ZNF385D: variants seen among roughly 807,000 people sequenced by gnomAD.
ZNF385D encodes the protein zinc finger protein 659.
ZNF385D carries 15 observed loss-of-function variants against 35.8 expected under a neutral mutation model. The ratio of observed to expected loss-of-function variants is 0.42; its 90% CI spans 0.28 to 0.64. The LOEUF is 0.64. Ranked by LOEUF, ZNF385D falls within the 30% of genes least tolerant of loss-of-function variation. ZNF385D has a pLI of 0.23. For synonymous variants in ZNF385D, 212 were observed against 186.8 expected (o/e 1.13, Z -1.10); for missense variants, 474 against 494.6 (o/e 0.96, Z 0.39).
intron 2 of ZNF385D, among the ~76,000 whole-genome samples, chr3:22,253,363 T>C (rs1057240133): frequency 1.3e-5 from 2 of 151,858 alleles, no homozygotes; most frequent in Non-Finnish European, 2.9e-5. Flanking sequence ...AGAAAAAAAA[T>C]AGGAACATAA....
chr3:21,832,060 T>C (rs897677392), intron 3 of ZNF385D, among the ~76,000 whole-genome samples: 6 of 129,142 alleles, frequency 4.6e-5, no homozygotes, highest in Non-Finnish European at 9.7e-5. Flanking sequence ...TCAATAAATT[T>C]TCTAGACAAT....
intron 3 of ZNF385D, among the ~76,000 whole-genome samples, chr3:21,522,312 T>C (rs1478987344): frequency 6.6e-6 from 1 of 152,030 alleles, no homozygotes; most frequent in Non-Finnish European, 1.5e-5. Context: ...AAATATTTGG[T>C]GGACCCACAG....
chr3:21,708,838 G>C (rs941547303), intron 1 of ZNF385D, among the ~76,000 whole-genome samples: 44 of 149,958 alleles, frequency 2.9e-4, no homozygotes, highest in African/African-American at 8.7e-4. Context: ...AATAATTAAA[G>C]CATCCGAAGT....
chr3:22,327,582 T>A (rs2125454902), intron 2 of ZNF385D, among the ~76,000 whole-genome samples: 1 of 152,272 alleles, frequency 6.6e-6, no homozygotes, highest in African/African-American at 2.4e-5. Context: ...CTAACACAAA[T>A]CTCCATGTAG....
intron 1 of ZNF385D, among the ~76,000 whole-genome samples, chr3:21,695,771 A>ATG (rs2067450963): frequency 6.6e-6 from 1 of 151,234 alleles, no homozygotes; most frequent in African/African-American, 2.4e-5. Context: ...ATATATATAT[A>ATG]AAGTTAATAA....
chr3:21,629,510 C>T (rs534388746), intron 2 of ZNF385D, among the ~76,000 whole-genome samples: 1 of 152,164 alleles, frequency 6.6e-6, no homozygotes, highest in African/African-American at 2.4e-5. Context: ...AAAATGACTA[C>T]TTGCCCAAGT....
At chr3:22,083,227 A>G (rs1365439963) in intron 3 of ZNF385D, among the ~76,000 whole-genome samples, 1 of 152,240 alleles carries the variant, frequency 6.6e-6, no homozygotes, top group African/African-American at 2.4e-5. Flanking sequence ...TGGACGGAGA[A>G]TGACTTTGAT....
chr3:22,007,212 T>C (rs1696265305), intron 3 of ZNF385D, among the ~76,000 whole-genome samples: 1 of 152,196 alleles, frequency 6.6e-6, no homozygotes, highest in Non-Finnish European at 1.5e-5. Context: ...GTTTGTTTCA[T>C]CTCCCCTGTA....
intron 3 of ZNF385D, among the ~76,000 whole-genome samples, chr3:21,810,419 T>C (rs901486300): frequency 6.6e-6 from 1 of 152,086 alleles, no homozygotes; most frequent in African/African-American, 2.4e-5. Flanking sequence ...ATAAACCTAA[T>C]GTAAATGACT....
chr3:21,701,171 A>G (rs2067668490), intron 1 of ZNF385D, among the ~76,000 whole-genome samples: 1 of 152,194 alleles, frequency 6.6e-6, no homozygotes, highest in Non-Finnish European at 1.5e-5. Flanking sequence ...TGTGTTGTCC[A>G]TTTTCATGTT....
chr3:22,352,724 A>C (rs1323636418), intron 2 of ZNF385D, among the ~76,000 whole-genome samples: 1 of 152,176 alleles, frequency 6.6e-6, no homozygotes, highest in Non-Finnish European at 1.5e-5. Flanking sequence ...ATTCACTCTA[A>C]ACATATTCAG....
intron 3 of ZNF385D, among the ~76,000 whole-genome samples, chr3:22,136,819 T>G (rs1197804166): frequency 6.6e-6 from 1 of 152,038 alleles, no homozygotes; most frequent in Non-Finnish European, 1.5e-5. Flanking sequence ...ATTTTCTAAC[T>G]GGAAAAATCA....
chr3:22,083,743 T>C (rs1011906159), intron 3 of ZNF385D, among the ~76,000 whole-genome samples: 4 of 152,130 alleles, frequency 2.6e-5, no homozygotes, highest in African/African-American at 9.7e-5. Context: ...ACCACAAAGA[T>C]ACTCCTCAAG....
At chr3:22,296,573 C>G (rs1702591337) in intron 2 of ZNF385D, among the ~76,000 whole-genome samples, 1 of 152,104 alleles carries the variant, frequency 6.6e-6, no homozygotes, top group Non-Finnish European at 1.5e-5. Context: ...AGGTAGGAAA[C>G]TGAATTGTAC....
chr3:21,994,490 G>A (rs866053315), intron 3 of ZNF385D, among the ~76,000 whole-genome samples: 6 of 151,576 alleles, frequency 4.0e-5, no homozygotes, highest in African/African-American at 1.5e-4. Context: ...ATCTCACTGA[G>A]CTTTATTATG....
intron 3 of ZNF385D, among the ~76,000 whole-genome samples, chr3:21,829,431 T>C (rs1449319496): frequency 6.6e-6 from 1 of 152,096 alleles, no homozygotes. Flanking sequence ...AAGGCCATTG[T>C]AGTAGTGGCT....
intron 3 of ZNF385D, among the ~76,000 whole-genome samples, chr3:21,958,111 T>C (rs1702385674): frequency 6.6e-6 from 1 of 152,120 alleles, no homozygotes. Context: ...ATCTTTATCC[T>C]CCCTGAAATT....
At chr3:22,118,560 G>A (rs566106535) in intron 3 of ZNF385D, among the ~76,000 whole-genome samples, 2 of 152,028 alleles carry the variant, frequency 1.3e-5, no homozygotes, top group South Asian at 4.2e-4. Flanking sequence ...TACACCATTA[G>A]GTATACTTCT....
Position 22,005,207 on chromosome 3 carries a change from A to AG in ZNF385D, c.325+163609dup, listed in dbSNP as rs759793080. ...AATGTTCAACATCACTATACACCACAGAAATACAAATTAAAACCACAATGA... is the reference window on the plus strand; with the variant it reads ...AATGTTCAACATCACTATACACCACAGGAAATACAAATTAAAACCACAATGA... On this transcript the variant is annotated intron_variant, in intron 3 of 5. Coordinates refer to the ZNF385D transcript ENST00000494108. Among the ~76,000 whole-genome samples the AG allele has an allele frequency of 9.9e-5, 15 of 152,230 alleles. No individual in the cohort carries two copies. The East Asian group carries it at 2.7e-3, about 27-fold the overall frequency.
Sources: gnomAD v4.1 joint callset for allele counts (sites outside exome capture counted in the v4.1 genomes callset) on GRCh38, gnomAD v4.1.1 for gene constraint, MANE v1.5 for transcripts, NCBI Gene and HGNC (gene_info 2026-07-23, HGNC 2026-07-21) for gene names.